Variants in EXOC6B observed in about 807,000 individuals in gnomAD.
EXOC6B encodes SEC15 homolog B.
In EXOC6B, 54 loss-of-function variants were observed where a neutral mutation model predicts 113.5. The ratio of observed to expected loss-of-function variants is 0.48; its 90% CI spans 0.38 to 0.60. The LOEUF (loss-of-function observed/expected upper bound fraction) is 0.60. EXOC6B is among the 20% of genes least tolerant of loss of function. The pLI is 0.00. For missense variants in EXOC6B, 797 were observed against 977.5 expected (o/e 0.82, Z 2.46); for synonymous variants, 357 against 339.0 (o/e 1.05, Z -0.58).
At chr2:72,270,748 T>C (rs1179581013) in intron 20 of EXOC6B, among the ~76,000 whole-genome samples, 1 of 151,950 alleles carries the variant, frequency 6.6e-6, no homozygotes, top group Non-Finnish European at 1.5e-5. Context: ...TTGAAATTAA[T>C]AATGCATTAA....
chr2:72,516,650 C>T (rs1701227121), intron 8 of EXOC6B, among the ~76,000 whole-genome samples: 1 of 152,178 alleles, frequency 6.6e-6, no homozygotes, highest in African/African-American at 2.4e-5. Flanking sequence ...ACTATTATTA[C>T]ATTTGAATAG....
chr2:72,311,489 C>G (rs1361245937), intron 20 of EXOC6B, among the ~76,000 whole-genome samples: 2 of 152,098 alleles, frequency 1.3e-5, no homozygotes, highest in Admixed American at 1.3e-4. Flanking sequence ...CTCTTTCCCC[C>G]TTCTTCTTCT....
intron 6 of EXOC6B, among the ~76,000 whole-genome samples, chr2:72,686,961 AC>A (rs1452793482): frequency 6.6e-6 from 1 of 151,992 alleles, no homozygotes; most frequent in Non-Finnish European, 1.5e-5. Flanking sequence ...AGACAGTGAA[AC>A]CCCATCTCTA....
chr2:72,482,273 C>T (rs961543551), intron 16 of EXOC6B, among the ~76,000 whole-genome samples: 1 of 152,144 alleles, frequency 6.6e-6, no homozygotes, highest in African/African-American at 2.4e-5. Flanking sequence ...TTACTTATTT[C>T]TTAACTATTA....
At chr2:72,388,163 A>G (rs138216735) in intron 18 of EXOC6B, among the ~76,000 whole-genome samples, 53 of 152,224 alleles carry the variant, frequency 3.5e-4, no homozygotes, top group African/African-American at 1.3e-3. Context: ...CACCTGGTCC[A>G]CAATGTCAAT....
chr2:72,741,909 T>C (rs1235085686), intron 1 of EXOC6B, among the ~76,000 whole-genome samples: 1 of 152,166 alleles, frequency 6.6e-6, no homozygotes, highest in African/African-American at 2.4e-5. Flanking sequence ...GCAGTCAATA[T>C]CGCTAGATAA....
At chr2:72,755,546 A>G (rs972231617) in intron 1 of EXOC6B, among the ~76,000 whole-genome samples, 1 of 152,212 alleles carries the variant, frequency 6.6e-6, no homozygotes, top group African/African-American at 2.4e-5. Flanking sequence ...TCAATAATAA[A>G]TATTTTTACC....
At position 72,449,091 on chromosome 2, in the gene EXOC6B, TC is replaced by T. The variant is rs368604837; in HGVS notation, c.1980+16068del. Among the ~76,000 whole-genome samples the T allele has an allele frequency of 1.3e-4, 20 of 152,328 alleles. 1 individual carries two copies. Among genetic ancestry groups the T allele is most frequent in the African/African-American group, 4.6e-4 (19 of 41,580 alleles). On this transcript the variant is annotated intron_variant, in intron 18 of 21. Coordinates refer to ENST00000272427, the MANE Select transcript of EXOC6B (RefSeq NM_015189.3). ...TCATATTATAAAGCTTTTGGAAATCTCCAGCCAGAGCAATAAGCTCTAAATT... is the reference window on the plus strand; with the variant it reads ...TCATATTATAAAGCTTTTGGAAATCTCAGCCAGAGCAATAAGCTCTAAATT...
chr2:72,367,329 A>G (rs608879), intron 19 of EXOC6B, among the ~76,000 whole-genome samples: 16,268 of 41,856 alleles, frequency 0.39, 906 homozygotes, highest in African/African-American at 0.44. Context: ...AAAAACACTG[A>G]TTAATCTAAA....
At chr2:72,768,776 A>G (rs1683251609) in intron 1 of EXOC6B, among the ~76,000 whole-genome samples, 1 of 152,182 alleles carries the variant, frequency 6.6e-6, no homozygotes, top group Admixed American at 6.5e-5. Flanking sequence ...ATATCAGTCC[A>G]TAGTTTCAAG....
chr2:72,399,318 T>A (rs1231530895), intron 18 of EXOC6B, among the ~76,000 whole-genome samples: 4 of 152,162 alleles, frequency 2.6e-5, no homozygotes, highest in African/African-American at 9.6e-5. Flanking sequence ...CAGGGAAATG[T>A]TGAAAGCATT....
intron 1 of EXOC6B, among the ~76,000 whole-genome samples, chr2:72,793,093 T>A (rs368002496): frequency 1.1e-4 from 16 of 152,332 alleles, no homozygotes; most frequent in African/African-American, 3.1e-4. Flanking sequence ...AATCATATTA[T>A]TTTTGGACAT....
At chr2:72,595,399 G>T (rs909970506) in intron 6 of EXOC6B, among the ~76,000 whole-genome samples, 1 of 148,892 alleles carries the variant, frequency 6.7e-6, no homozygotes, top group Non-Finnish European at 1.5e-5. Context: ...AAAAATAATT[G>T]TATTAAAATA....
chr2:72,503,893 G>C (rs1700466000), intron 11 of EXOC6B, among the ~76,000 whole-genome samples: 4 of 151,818 alleles, frequency 2.6e-5, no homozygotes, highest in Admixed American at 1.3e-4. Context: ...GATGACATAG[G>C]ATGATGAGCA....
chr2:72,775,530 C>A (rs1297190395), intron 1 of EXOC6B, among the ~76,000 whole-genome samples: 4 of 152,030 alleles, frequency 2.6e-5, no homozygotes, highest in Admixed American at 6.6e-5. Flanking sequence ...AGGTGTTCAA[C>A]AGGTAAATGT....
intron 8 of EXOC6B, among the ~76,000 whole-genome samples, chr2:72,556,793 T>C (rs1043291471): frequency 1.3e-5 from 2 of 151,990 alleles, no homozygotes; most frequent in Non-Finnish European, 2.9e-5. Context: ...CTAAAATTGA[T>C]GGATGTGATT....
intron 6 of EXOC6B, among the ~76,000 whole-genome samples, chr2:72,702,401 T>C (rs1573651174): frequency 4.6e-5 from 6 of 129,152 alleles, no homozygotes; most frequent in African/African-American, 9.0e-5. Context: ...TGTGTCTTTA[T>C]AGCAGCATGA....
chr2:72,338,279 G>A (rs558955380), intron 19 of EXOC6B, among the ~76,000 whole-genome samples: 74 of 152,234 alleles, frequency 4.9e-4, no homozygotes, highest in African/African-American at 1.7e-3. Flanking sequence ...TAGCATAATT[G>A]AGTATCATTA....
At chr2:72,253,873 A>G (rs1683176956) in intron 20 of EXOC6B, among the ~76,000 whole-genome samples, 1 of 152,174 alleles carries the variant, frequency 6.6e-6, no homozygotes, top group Non-Finnish European at 1.5e-5. Context: ...AAAAAAAGAT[A>G]TGTTCGGCTG....
Sources: gnomAD v4.1 joint callset for allele counts (sites outside exome capture counted in the v4.1 genomes callset) on GRCh38, gnomAD v4.1.1 for gene constraint, MANE v1.5 for transcripts, NCBI Gene and HGNC (gene_info 2026-07-23, HGNC 2026-07-21) for gene names.